The following LIMCH1 variants were observed in gnomAD, a reference collection of about 807,000 sequenced individuals.
The protein encoded by LIMCH1 is LIM and calponin homology domains-containing protein 1.
In LIMCH1, 113 loss-of-function variants were observed where a neutral mutation model predicts 176.5. The ratio of observed to expected loss-of-function variants is 0.64; its 90% CI spans 0.55 to 0.75. LIMCH1 has a LOEUF of 0.75. Ranked by LOEUF, LIMCH1 falls within the 30% of genes least tolerant of loss-of-function variation. The pLI, the probability that LIMCH1 is intolerant of heterozygous loss-of-function variation, is 0.00. For missense variants in LIMCH1, 1,674 were observed against 1,814.9 expected, an observed-to-expected ratio of 0.92 and a Z score of 1.41; for synonymous variants, 619 against 645.9, an observed-to-expected ratio of 0.96 and a Z score of 0.63.
chr4:41,636,804 A>G (rs561482634), intron 13 of LIMCH1, among the ~76,000 whole-genome samples: 1 of 152,354 alleles, frequency 6.6e-6, no homozygotes, highest in African/African-American at 2.4e-5. Flanking sequence ...TGAAACTCAC[A>G]AAATGTGCTA....
chr4:41,666,774 G>T, intron 21 of LIMCH1, 108 bp downstream of exon 21: 2 of 732,362 alleles, frequency 2.7e-6, no homozygotes, highest in Non-Finnish European at 4.6e-6. Flanking sequence ...TATTCCTTTA[G>T]CCAGGGTGTT....
chr4:41,434,548 G>A (rs554074978), intron 1 of LIMCH1, among the ~76,000 whole-genome samples: 1 of 152,252 alleles, frequency 6.6e-6, no homozygotes, highest in South Asian at 2.1e-4. Flanking sequence ...AGACAGTCTT[G>A]CTTTGTCACC....
rs888045466 is a variant in LIMCH1 at position 41,422,207 on chromosome 4, G to T, written c.96+61271G>T. Reference sequence around the variant, plus strand: ...TCTTTGGAAATTACCTTAACAATGGGTATCACCTTATTTTATTTATTTATT... The same window carrying T: ...TCTTTGGAAATTACCTTAACAATGGTTATCACCTTATTTTATTTATTTATT... On this transcript the variant is annotated intron_variant, in intron 1 of 26. Transcript: ENST00000313860. Among the ~76,000 whole-genome samples, 3 of 151,902 alleles carry T rather than the reference G, an allele frequency of 2.0e-5. No individual in the cohort carries two copies. The East Asian group carries it at 5.8e-4, about 29-fold the overall frequency.
rs1474150231 is a variant in LIMCH1, at chr4:41,680,987, A to G, written c.3645A>G (p.Pro1215=). 6 of 1,611,312 alleles carry G rather than the reference A, an allele frequency of 3.7e-6. No homozygotes were observed. The highest frequency in any genetic ancestry group is 2.2e-5 in the East Asian group (1 of 44,876). The change falls in exon 25 of 32, where the codon CCA becomes CCG. Residue 1215 remains proline, a synonymous_variant. Transcript: ENST00000503057. ...ERKIIEDTVV[P]FTVSSSSADQ... ...AGATAATTGAAGACACTGTGGTTCC[A>G]TTTACTGTTTCTTCAAGTTCCGCTG...
intron 1 of LIMCH1, among the ~76,000 whole-genome samples, chr4:41,561,037 C>A (rs2082002347): frequency 6.6e-6 from 1 of 152,166 alleles, no homozygotes; most frequent in African/African-American, 2.4e-5. Flanking sequence ...ACAAACCAAA[C>A]AAACCAAAAA....
At chr4:41,464,356 CCTTTTCTTTTTTT>C (rs2065802904) in intron 1 of LIMCH1, among the ~76,000 whole-genome samples, 1 of 150,828 alleles carries the variant, frequency 6.6e-6, no homozygotes, top group Non-Finnish European at 1.5e-5. Flanking sequence ...TTTTCTTTTT[CCTTTTCTTTTTTT>C]CTTTTTTTTT....
chr4:41,362,827 T>A (rs2052347950), intron 1 of LIMCH1, among the ~76,000 whole-genome samples: 1 of 152,160 alleles, frequency 6.6e-6, no homozygotes. Context: ...AGCTTTAATA[T>A]CACGTTTAAG....
intron 1 of LIMCH1, among the ~76,000 whole-genome samples, chr4:41,541,364 G>A (rs1433740653): frequency 6.6e-6 from 1 of 152,184 alleles, no homozygotes; most frequent in Non-Finnish European, 1.5e-5. Context: ...CAGCAGGTGA[G>A]CTTGTGTTTG....
At position 41,644,559 on chromosome 4, in the gene LIMCH1, G is replaced by C; in HGVS notation, c.2186G>C (p.Arg729Thr). 1.2e-6 allele frequency: 2 copies of C among 1,607,458 alleles called. No individual in the cohort carries two copies. The highest frequency in any genetic ancestry group is 1.7e-5 in the Admixed American group (1 of 59,270). ...EEEAAVQPHS[R>T]ARQEQLQLIN... ...GAGGCCGCGGTGCAGCCGCACAGCAGGGCCCGCCAGGAGCAGCTGCAGCTG... is the reference window on the plus strand; with the variant it reads ...GAGGCCGCGGTGCAGCCGCACAGCACGGCCCGCCAGGAGCAGCTGCAGCTG... Residue 729 changes from arginine to threonine, a missense_variant, in exon 15 of 32, where the codon AGG (arginine) becomes ACG (threonine). By Grantham distance (71) the Arg-to-Thr change is moderately conservative. Around this residue, in one of 3 missense-constraint regions of LIMCH1, gnomAD observed 1,015 missense variants for 1,102.5 expected, o/e 0.92. Coordinates refer to ENST00000503057, the MANE Select transcript of LIMCH1 (RefSeq NM_001330672.2).
chr4:41,672,465 A>T (rs1468242995), intron 22 of LIMCH1, among the ~76,000 whole-genome samples: 1 of 152,224 alleles, frequency 6.6e-6, no homozygotes. Flanking sequence ...TCATTTTTTA[A>T]TATGAGGATA....
At chr4:41,495,983 C>T (rs1450582470) in intron 2 of LIMCH1, among the ~76,000 whole-genome samples, 1 of 152,224 alleles carries the variant, frequency 6.6e-6, no homozygotes, top group Non-Finnish European at 1.5e-5. Context: ...CAGAGCTTAA[C>T]TCTTAGGTAA....
At chr4:41,687,754 A>T in intron 28 of LIMCH1, 86 bp from the exon 29 acceptor site, 16 of 765,858 alleles carry the variant, frequency 2.1e-5, no homozygotes, top group East Asian at 5.5e-5. Flanking sequence ...ATTTTATTTT[A>T]TTTTCCTAAT....
intron 6 of LIMCH1, 184 bp downstream of exon 6, chr4:41,619,624 C>T (rs150493543): frequency 3.7e-5 from 27 of 730,222 alleles, no homozygotes; most frequent in African/African-American, 1.6e-4. Context: ...TTCGTGAGTG[C>T]GCCTAGAACA....
intron 1 of LIMCH1, among the ~76,000 whole-genome samples, chr4:41,387,293 A>C (rs749948820): frequency 2.0e-5 from 3 of 152,250 alleles, no homozygotes; most frequent in Non-Finnish European, 4.4e-5. Flanking sequence ...AAATCTACTT[A>C]CATGAACATT....
At chr4:41,626,568 T>A in intron 7 of LIMCH1, 140 bp from the exon 8 acceptor site, 2 of 731,748 alleles carry the variant, frequency 2.7e-6, no homozygotes, top group Non-Finnish European at 2.2e-6. Flanking sequence ...AATTCTAGAC[T>A]GAAATAATGA....
chr4:41,418,638 A>G (rs2060151289), intron 1 of LIMCH1: 1 of 152,210 alleles, frequency 6.6e-6, no homozygotes, highest in Non-Finnish European at 1.5e-5. Flanking sequence ...TTGTTGCCTC[A>G]GAAACTGTTG....
rs56174007 is a variant in LIMCH1 at position 41,399,685 on chromosome 4, C to CTTTTTTTTTTTTT, written c.96+38752_96+38764dup. Among the ~76,000 whole-genome samples the CTTTTTTTTTTTTT allele has an allele frequency of 6.9e-3, 660 of 95,754 alleles. 77 individuals are homozygous for CTTTTTTTTTTTTT. The highest frequency in any genetic ancestry group is 0.012 in the African/African-American group (281 of 22,560). 62.8% of individuals were successfully genotyped at this position (95,754 alleles called of 152,430 possible). On this transcript the variant is annotated intron_variant, in intron 1 of 26. Coordinates refer to the LIMCH1 transcript ENST00000313860. ...GTAACAATCCTATGAGGTGGATACTCTTTTTTTTTTTTTTTGAGATGGAGT... is the reference window on the plus strand; with the variant it reads ...GTAACAATCCTATGAGGTGGATACTCTTTTTTTTTTTTTTTTTTTTTTTTTTTTGAGATGGAGT...
At chr4:41,410,888 G>T (rs2059416840) in intron 1 of LIMCH1, among the ~76,000 whole-genome samples, 1 of 152,114 alleles carries the variant, frequency 6.6e-6, no homozygotes, top group South Asian at 2.1e-4. Flanking sequence ...GGCTGACCTG[G>T]CCCTTACCTA....
At position 41,697,370 on chromosome 4, in the gene LIMCH1, G is replaced by GT. The variant is rs10709122; in HGVS notation, c.*201dup. On this transcript the variant is annotated 3_prime_UTR_variant, in exon 32 of 32. Coordinates refer to ENST00000503057, the MANE Select transcript of LIMCH1 (RefSeq NM_001330672.2). ...TATGTTTTTCCTGTTTATTGTTTTG[G>GT]TTTTTTTTTTTTTTTTGCATTTGCA... The GT allele has an allele frequency of 0.13, 55,572 of 443,514 alleles. 33 individuals carry two copies. Among genetic ancestry groups the GT allele is most frequent in the Non-Finnish European group, 0.14 (35,572 of 250,306 alleles). The allele number at this position is 443,514 out of a possible 1,614,324, so 27.5% of individuals were successfully genotyped here. A position where few individuals can be genotyped will look rare whatever the true frequency, so the allele number is the denominator to read the frequency against.
Sources: allele counts gnomAD v4.1 joint callset (sites outside exome capture counted in the v4.1 genomes callset), GRCh38; gene constraint gnomAD v4.1.1; regional missense constraint gnomAD v4.1.1; transcripts MANE v1.5; gene names NCBI Gene and HGNC (gene_info 2026-07-23, HGNC 2026-07-21).